Variants in MLXIP observed in about 807,000 individuals in gnomAD.
The protein encoded by MLXIP is MLX-interacting protein.
In MLXIP, 30 loss-of-function variants were observed where a neutral mutation model predicts 87.2. The observed-to-expected ratio is 0.34, with a 90% CI of 0.26 to 0.47. MLXIP has a LOEUF of 0.47. Among genes scored for constraint, MLXIP ranks in the 20% least tolerant of loss-of-function variants. The pLI, the probability that MLXIP is intolerant of heterozygous loss-of-function variation, is 1.00. For missense variants in MLXIP, 1,002 were observed against 1,240.1 expected, an observed-to-expected ratio of 0.81 and a Z score of 2.88; for synonymous variants, 530 against 514.0, an observed-to-expected ratio of 1.03 and a Z score of -0.42.
At position 122,078,973 on chromosome 12, in the gene MLXIP, G is replaced by GC; in HGVS notation, c.122dup (p.Pro42AlafsTer75). On this transcript the variant is annotated frameshift_variant, in exon 1 of 17. Coordinates refer to ENST00000319080, the MANE Select transcript of MLXIP (RefSeq NM_014938.6). LOFTEE classifies it high-confidence loss of function. ...ACTCGGACACGGATGAGCCGTCCCC[G>GC]CCGCCCGCCTCCGGCGCGGCCACCC... is the stretch of plus-strand genomic sequence containing the variant. 1 of 1,086,934 alleles carries GC rather than the reference G, an allele frequency of 9.2e-7. No homozygotes were observed. Among genetic ancestry groups the GC allele is most frequent in the Non-Finnish European group, 1.1e-6 (1 of 891,856 alleles). The allele number at this position is 1,086,934 out of a possible 1,614,324, so 67.3% of individuals were successfully genotyped here.
At chr12:122,085,984 A>G (rs1200440761) in intron 1 of MLXIP, among the ~76,000 whole-genome samples, 1 of 152,194 alleles carries the variant, frequency 6.6e-6, no homozygotes, top group Non-Finnish European at 1.5e-5. Context: ...AGCCTGGTGT[A>G]ATCACAGGGG....
chr12:122,132,376 C>T lies in MLXIP; in HGVS notation c.1085C>T (p.Pro362Leu). The T allele has an allele frequency of 6.2e-7, 1 of 1,611,210 alleles. No individual in the cohort carries two copies. Among genetic ancestry groups the T allele is most frequent in the Non-Finnish European group, 8.5e-7 (1 of 1,178,432 alleles). The change falls in exon 8 of 17, where the codon CCT (proline) becomes CTT (leucine). Residue 362 changes from proline (P) to leucine (L), a missense_variant. Transcript: ENST00000319080. Reference sequence around the variant, plus strand: ...CCTGTACCAGATCCCAACAACCCACCTGCACAGGTAGAGGAAGCTGGGGGA... The same window carrying T: ...CCTGTACCAGATCCCAACAACCCACTTGCACAGGTAGAGGAAGCTGGGGGA... Reference protein sequence around the residue: ...SAPVPDPNNPPAQESILPTTA... With the variant: ...SAPVPDPNNPLAQESILPTTA...
At chr12:122,122,939 C>T (rs1479380499) in intron 1 of MLXIP, among the ~76,000 whole-genome samples, 2 of 151,674 alleles carry the variant, frequency 1.3e-5, no homozygotes, top group Admixed American at 1.3e-4. Context: ...GTGATCCTCC[C>T]GCCTCAGCCC....
chr12:122,099,774 A>C (rs1212783829), intron 1 of MLXIP, among the ~76,000 whole-genome samples: 2 of 152,186 alleles, frequency 1.3e-5, no homozygotes, highest in African/African-American at 4.8e-5. Flanking sequence ...AATAGTCCTC[A>C]TATCCAAATA....
At chr12:122,141,207 C>T (rs1305528016) in intron 16 of MLXIP, 124 bp downstream of exon 16, 52 of 1,369,058 alleles carry the variant, frequency 3.8e-5, no homozygotes, top group Non-Finnish European at 4.9e-5. Flanking sequence ...GGCAGGGGCA[C>T]AGTGCTGTCC....
At position 122,145,889 on chromosome 12, in the gene MLXIP, C is replaced by A. The variant is rs1953292342; in HGVS notation, c.*4077C>A. The stretch of plus-strand genomic sequence containing the variant: ...GCTTGGAGGGCCCGTCTCATCACCC[C>A]CGTTCGCCCTCAGCTGTCCCTTTCC... On this transcript the variant is annotated 3_prime_UTR_variant, in exon 17 of 17. Transcript: ENST00000319080. The A allele has an allele frequency of 6.6e-6, 1 of 152,430 alleles. No individual in the cohort carries two copies. The highest frequency in any genetic ancestry group is 1.5e-5 in the Non-Finnish European group (1 of 68,222). 9.4% of individuals were successfully genotyped at this position (152,430 alleles called of 1,614,324 possible). A position where few individuals can be genotyped will look rare whatever the true frequency, so the allele number is the denominator to read the frequency against.
At position 122,140,958 on chromosome 12, in the gene MLXIP, G is replaced by T. The variant is rs1308038126; in HGVS notation, c.2513G>T (p.Ser838Ile). ...TTCTTTAACCACACACTGCAGTTCA[G>T]CATCATCATCAAGCCGCTGTTTGAG... is the stretch of plus-strand genomic sequence containing the variant. Reference protein sequence around the residue: ...TLQNWKFWIFSIIIKPLFESF... With the variant: ...TLQNWKFWIFIIIIKPLFESF... The change falls in exon 16 of 17, where the codon AGC (serine) becomes ATC (isoleucine). Residue 838 changes from serine (S) to isoleucine (I), a missense_variant. By Grantham distance (142) the Ser-to-Ile change is moderately radical. Coordinates refer to ENST00000319080, the MANE Select transcript of MLXIP (RefSeq NM_014938.6). The T allele has an allele frequency of 1.2e-6, 2 of 1,614,016 alleles. No individual in the cohort carries two copies. The highest frequency in any genetic ancestry group is 2.2e-5 in the South Asian group (2 of 91,090).
intron 1 of MLXIP, among the ~76,000 whole-genome samples, chr12:122,087,753 A>G (rs1952189451): frequency 6.6e-6 from 1 of 152,026 alleles, no homozygotes; most frequent in African/African-American, 2.4e-5. Context: ...AGACGGGTCT[A>G]GGGAGGGTGA....
rs1952764746 is a variant in MLXIP at position 122,120,717 on chromosome 12, A to AC, written c.414-6534dup. The stretch of plus-strand genomic sequence containing the variant: ...AACCCTGGACTGACCTTCCACCTCC[A>AC]CCCCCTCTTCAGGAGCAGGGGAAGG... On this transcript the variant is annotated intron_variant, in intron 1 of 16. Coordinates refer to ENST00000319080, the MANE Select transcript of MLXIP (RefSeq NM_014938.6). Among the ~76,000 whole-genome samples the AC allele has an allele frequency of 2.6e-5, 4 of 151,428 alleles. 1 individual carries two copies. In the South Asian group the frequency reaches 8.4e-4, roughly 32 times the overall value.
intron 2 of MLXIP, 61 bp downstream of exon 2, chr12:122,127,423 G>A: frequency 1.6e-6 from 2 of 1,243,592 alleles, no homozygotes. Context: ...GGAGGCCTGG[G>A]CACCCAGGGA....
chr12:122,126,576 G>A (rs879388519), intron 1 of MLXIP, among the ~76,000 whole-genome samples: 5 of 152,172 alleles, frequency 3.3e-5, no homozygotes, highest in Admixed American at 3.3e-4. Flanking sequence ...GGATGCTCGG[G>A]TACTTGGATT....
intron 9 of MLXIP, 49 bp downstream of exon 9, chr12:122,134,036 G>A (rs1377519026): frequency 7.2e-6 from 11 of 1,524,444 alleles, no homozygotes; most frequent in Non-Finnish European, 9.7e-6. Context: ...GACCCAGAGG[G>A]ATGTTTTCCC....
intron 9 of MLXIP, 164 bp downstream of exon 9, chr12:122,134,151 A>C: frequency 7.2e-6 from 6 of 834,966 alleles, no homozygotes; most frequent in African/African-American, 1.7e-5. Context: ...GAAATAATAC[A>C]TGGCCATGAT....
chr12:122,134,117 A>G lies in MLXIP; in HGVS notation c.1732+130A>G, dbSNP rs561260378. On this transcript the variant is annotated intron_variant, in intron 9 of 16. Transcript: ENST00000319080. The stretch of plus-strand genomic sequence containing the variant: ...TGCACGTGCATGCGCACACACATAC[A>G]CTTAAATGAAACAAAAGTGTCATGA... The G allele has an allele frequency of 3.7e-6, 4 of 1,093,178 alleles. No homozygotes were observed. In the African/African-American group the frequency reaches 6.4e-5, roughly 17 times the overall value. The allele number at this position is 1,093,178 out of a possible 1,614,324, so 67.7% of individuals were successfully genotyped here. A position where few individuals can be genotyped will look rare whatever the true frequency, so the allele number is the denominator to read the frequency against.
chr12:122,147,344 A>G lies in MLXIP; in HGVS notation c.*5532A>G, dbSNP rs1953321541. ...TAAAGACACCTTATTTTTTTTGAAA[A>G]GCCTGTGATGTGTGGCCTTAAATAC... is the stretch of plus-strand genomic sequence containing the variant. On this transcript the variant is annotated 3_prime_UTR_variant, in exon 17 of 17. Coordinates refer to ENST00000319080, the MANE Select transcript of MLXIP (RefSeq NM_014938.6). 1 of 152,038 alleles carries G rather than the reference A, an allele frequency of 6.6e-6. No individual in the cohort carries two copies. The highest frequency in any genetic ancestry group is 1.9e-4 in the East Asian group (1 of 5,200). The allele number at this position is 152,038 out of a possible 1,614,324, so 9.4% of individuals were successfully genotyped here. A position where few individuals can be genotyped will look rare whatever the true frequency, so the allele number is the denominator to read the frequency against.
chr12:122,092,949 TTGTG>T (rs1337432873), intron 1 of MLXIP, among the ~76,000 whole-genome samples: 37 of 147,950 alleles, frequency 2.5e-4, no homozygotes, highest in African/African-American at 9.0e-4. Context: ...TGTGGTATGT[TTGTG>T]TGGTGGGGTG....
At chr12:122,084,649 C>T (rs1593055910) in intron 1 of MLXIP, among the ~76,000 whole-genome samples, 4 of 152,036 alleles carry the variant, frequency 2.6e-5, no homozygotes, top group Admixed American at 2.0e-4. Flanking sequence ...CAGGTTCAAG[C>T]GATTCTCCTG....
At chr12:122,136,697 G>A (rs1307142237) in intron 11 of MLXIP, 1 of 152,172 alleles carries the variant, frequency 6.6e-6, no homozygotes, top group Non-Finnish European at 1.5e-5. Context: ...TCTTCCCTCA[G>A]GAAGACGCGA....
chr12:122,094,864 TGTG>T (rs1237050231), intron 1 of MLXIP, among the ~76,000 whole-genome samples: 5 of 134,626 alleles, frequency 3.7e-5, no homozygotes, highest in Admixed American at 7.5e-5. Flanking sequence ...GTTTCTATGG[TGTG>T]GTGTTGGTGT....
Sources: gnomAD v4.1 joint callset for allele counts (sites outside exome capture counted in the v4.1 genomes callset) on GRCh38, gnomAD v4.1.1 for gene constraint, MANE v1.5 for transcripts, NCBI Gene and HGNC (gene_info 2026-07-23, HGNC 2026-07-21) for gene names.